The following ABCA1 variants were observed in gnomAD, a reference collection of about 807,000 sequenced individuals.
ABCA1 encodes phospholipid-transporting ATPase ABCA1.
A neutral mutation model predicts 262.5 loss-of-function variants in ABCA1; 133 were observed. The ratio of observed to expected loss-of-function variants is 0.51; its 90% CI spans 0.44 to 0.59. The LOEUF is 0.59. ABCA1 is among the 20% of genes least tolerant of loss of function. The pLI is 0.00. For synonymous variants in ABCA1, 1,022 were observed against 1,043.5 expected (o/e 0.98, Z 0.40); for missense variants, 2,452 against 2,777.5 (o/e 0.88, Z 2.63).
At chr9:104,792,124 T>C (rs1829478966) in intron 42 of ABCA1, 126 bp from the exon 43 acceptor site, 7 of 870,944 alleles carry the variant, frequency 8.0e-6, no homozygotes, top group Non-Finnish European at 1.3e-5. Flanking sequence ...CCCTAAGCCA[T>C]AGGCATATTT....
intron 2 of ABCA1, among the ~76,000 whole-genome samples, chr9:104,898,668 C>T (rs1487198623): frequency 6.6e-6 from 1 of 152,094 alleles, no homozygotes; most frequent in African/African-American, 2.4e-5. Flanking sequence ...ACCAACTCAT[C>T]CCCCGCCAGT....
intron 44 of ABCA1, among the ~76,000 whole-genome samples, chr9:104,790,677 G>T (rs1829349096): frequency 6.6e-6 from 1 of 152,044 alleles, no homozygotes; most frequent in Non-Finnish European, 1.5e-5. Context: ...AAATTATATT[G>T]TATGTAAATT....
chr9:104,816,934 C>A (rs1294256586), intron 24 of ABCA1, among the ~76,000 whole-genome samples: 45 of 152,158 alleles, frequency 3.0e-4, no homozygotes, highest in Admixed American at 2.9e-3. Context: ...TGGCCTCCTA[C>A]ACACGCTACC....
chr9:104,832,225 C>T (rs777688658), intron 12 of ABCA1, among the ~76,000 whole-genome samples: 1 of 151,988 alleles, frequency 6.6e-6, no homozygotes, highest in African/African-American at 2.4e-5. Flanking sequence ...GACCCGAATT[C>T]GATTTTAGAT....
chr9:104,794,287 G>A, intron 40 of ABCA1, 100 bp downstream of exon 40: 1 of 1,572,470 alleles, frequency 6.4e-7, no homozygotes, highest in Middle Eastern at 2.1e-4. Flanking sequence ...AACATCCTGT[G>A]CTTAGTCACC....
chr9:104,922,660 C>CA (rs1842202386), intron 1 of ABCA1, among the ~76,000 whole-genome samples: 1 of 152,152 alleles, frequency 6.6e-6, no homozygotes. Context: ...ATTTCTAATT[C>CA]ATTACACCAA....
At chr9:104,810,649 A>T in intron 29 of ABCA1, 151 bp downstream of exon 29, 1 of 1,204,100 alleles carries the variant, frequency 8.3e-7, no homozygotes, top group Non-Finnish European at 1.2e-6. Context: ...CTGCTGTTCT[A>T]TGCATGCAGT....
rs1255539554 is a variant in ABCA1, at chr9:104,781,858, T to C, written c.*2457A>G. Reference sequence around the variant, plus strand: ...AAATTTTGCTTGATTGAGTATAGAGTTGGTAAAAATTTCTACCACAATTAG... The same window carrying C: ...AAATTTTGCTTGATTGAGTATAGAGCTGGTAAAAATTTCTACCACAATTAG... On this transcript the variant is annotated 3_prime_UTR_variant, in exon 50 of 50. Coordinates refer to ENST00000374736, the MANE Select transcript of ABCA1 (RefSeq NM_005502.4). The C allele has an allele frequency of 2.6e-5, 4 of 152,378 alleles. No homozygotes were observed. The allele number at this position is 152,378 out of a possible 1,614,324, so 9.4% of individuals were successfully genotyped here. A position where few individuals can be genotyped will look rare whatever the true frequency, so the allele number is the denominator to read the frequency against.
chr9:104,827,116 G>C lies in ABCA1; in HGVS notation c.2169C>G (p.Ser723=). ...SDPSVVFVFL[S]VFAVVTILQC... ...GCAGGATTGTCACCACAGCAAACAC[G>C]GACAGGAAGACAAACACCACGCTGG... The change falls in exon 16 of 50, where the codon TCC becomes TCG. Residue 723 remains serine (S), a synonymous_variant. Transcript: ENST00000374736. 1 of 1,614,130 alleles carries C rather than the reference G, an allele frequency of 6.2e-7. No homozygotes were observed. The highest frequency in any genetic ancestry group is 8.5e-7 in the Non-Finnish European group (1 of 1,180,022).
At chr9:104,850,176 C>T (rs1486828390) in intron 7 of ABCA1, among the ~76,000 whole-genome samples, 1 of 152,142 alleles carries the variant, frequency 6.6e-6, no homozygotes, top group African/African-American at 2.4e-5. Context: ...GGCTAGAGTG[C>T]AGTGGTGTGA....
chr9:104,864,552 T>C (rs1353810972), intron 5 of ABCA1, among the ~76,000 whole-genome samples: 4 of 152,152 alleles, frequency 2.6e-5, no homozygotes, highest in African/African-American at 9.7e-5. Flanking sequence ...CATGTAGTTG[T>C]GCCTCCACTG....
At chr9:104,831,149 TAAAAAAAAAA>T (rs34121951) in intron 13 of ABCA1, 48 bp from the exon 14 acceptor site, 8 of 926,240 alleles carry the variant, frequency 8.6e-6, no homozygotes, top group Non-Finnish European at 1.0e-5. Context: ...AACCATACAA[TAAAAAAAAAA>T]AAAAAAAAAA....
chr9:104,802,194 T>A lies in ABCA1; in HGVS notation c.4593-35A>T, dbSNP rs200940734. 4.5e-6 allele frequency: 7 copies of A among 1,566,274 alleles called. No individual in the cohort carries two copies. The African/African-American group carries it at 6.8e-5, about 15-fold the overall frequency. On this transcript the variant is annotated intron_variant, in intron 33 of 49. Transcript: ENST00000374736. ...CAGCCTGACATTAAAACCCAGACAG[T>A]GGGGTGCACAGTATCATCAGCAGCA... is the stretch of plus-strand genomic sequence containing the variant.
chr9:104,910,600 G>A (rs1841435817), intron 1 of ABCA1, among the ~76,000 whole-genome samples: 1 of 152,326 alleles, frequency 6.6e-6, no homozygotes, highest in East Asian at 1.9e-4. Context: ...GTGTGTGTGT[G>A]TATGTGCGTG....
chr9:104,842,905 T>C lies in ABCA1; in HGVS notation c.814-2386A>G, dbSNP rs1450018603. Among the ~76,000 whole-genome samples the C allele has an allele frequency of 3.3e-5, 5 of 152,320 alleles. No individual in the cohort carries two copies. In the South Asian group the frequency reaches 8.3e-4, roughly 25 times the overall value. The stretch of plus-strand genomic sequence containing the variant: ...GTATGGCACTCACCTCCTCCTGCTC[T>C]GAGCTCCTCTCCTCCCCCCACCACT... On this transcript the variant is annotated intron_variant, in intron 8 of 49. Coordinates refer to ENST00000374736, the MANE Select transcript of ABCA1 (RefSeq NM_005502.4).
intron 1 of ABCA1, among the ~76,000 whole-genome samples, chr9:104,916,704 G>C (rs1035856316): frequency 6.6e-6 from 1 of 152,146 alleles, no homozygotes; most frequent in Admixed American, 6.5e-5. Context: ...TCTTGACACA[G>C]AGTTTCGCTC....
intron 2 of ABCA1, among the ~76,000 whole-genome samples, chr9:104,895,154 A>T (rs995073012): frequency 6.6e-6 from 1 of 152,214 alleles, no homozygotes; most frequent in African/African-American, 2.4e-5. Context: ...TTTGGTGCCT[A>T]CCCACCCAAC....
chr9:104,903,480 T>C lies in ABCA1; in HGVS notation c.66+134A>G. Reference sequence around the variant, plus strand: ...TCCGGACCACACAGTCCTGTGTCCATAAGAGCCAGATTCCATCAATCCCTG... The same window carrying C: ...TCCGGACCACACAGTCCTGTGTCCACAAGAGCCAGATTCCATCAATCCCTG... On this transcript the variant is annotated intron_variant, in intron 2 of 49. Transcript: ENST00000374736. 4 of 957,216 alleles carry C rather than the reference T, an allele frequency of 4.2e-6. No individual in the cohort carries two copies. In the South Asian group the frequency reaches 5.6e-5, roughly 13 times the overall value. The allele number at this position is 957,216 out of a possible 1,614,324, so 59.3% of individuals were successfully genotyped here. A position where few individuals can be genotyped will look rare whatever the true frequency, so the allele number is the denominator to read the frequency against.
chr9:104,925,369 G>A (rs1008313230), intron 1 of ABCA1, among the ~76,000 whole-genome samples: 2 of 102,184 alleles, frequency 2.0e-5, no homozygotes, highest in African/African-American at 5.9e-5. Flanking sequence ...GAGCGAGACT[G>A]CATCTCAAAA....
Sources: allele counts gnomAD v4.1 joint callset (sites outside exome capture counted in the v4.1 genomes callset), GRCh38; gene constraint gnomAD v4.1.1; transcripts MANE v1.5; gene names NCBI Gene and HGNC (gene_info 2026-07-23, HGNC 2026-07-21).